The following HLCS variants were observed in gnomAD, a reference collection of about 807,000 sequenced individuals.
HLCS encodes the protein biotin--protein ligase.
HLCS carries 53 observed loss-of-function variants against 75.0 expected under a neutral mutation model. The ratio of observed to expected loss-of-function variants is 0.71; its 90% CI spans 0.57 to 0.89. The LOEUF (loss-of-function observed/expected upper bound fraction) is 0.89, where lower values mean the gene tolerates loss of function less well. Ranked by LOEUF, HLCS falls within the 40% of genes least tolerant of loss-of-function variation. The pLI, the probability that HLCS is intolerant of heterozygous loss-of-function variation, is 0.00. For missense variants in HLCS, 966 were observed against 1,074.0 expected, an observed-to-expected ratio of 0.90 and a Z score of 1.41; for synonymous variants, 431 against 428.6, an observed-to-expected ratio of 1.01 and a Z score of -0.07.
At chr21:36,981,119 T>C (rs1295421294) in intron 1 of HLCS, among the ~76,000 whole-genome samples, 2 of 152,196 alleles carry the variant, frequency 1.3e-5, no homozygotes, top group Non-Finnish European at 2.9e-5. Context: ...CTTGTAAAGG[T>C]TGTACTGCTT....
chr21:36,821,490 T>TA, intron 6 of HLCS, among the ~76,000 whole-genome samples: 1 of 152,304 alleles, frequency 6.6e-6, no homozygotes, highest in East Asian at 1.9e-4. Flanking sequence ...GTGTCACACT[T>TA]ACCAAAAAAT....
chr21:36,776,587 G>C (rs1000285607), intron 6 of HLCS, among the ~76,000 whole-genome samples: 2 of 151,940 alleles, frequency 1.3e-5, no homozygotes, highest in Non-Finnish European at 2.9e-5. Flanking sequence ...GCTAATTTTT[G>C]TATTTTTAGT....
chr21:36,787,767 CTAAGGAAAGT>C (rs1195459241), intron 6 of HLCS, among the ~76,000 whole-genome samples: 2 of 152,158 alleles, frequency 1.3e-5, no homozygotes, highest in East Asian at 3.9e-4. Context: ...TCACATGACC[CTAAGGAAAGT>C]TAAGAAAAGA....
At chr21:36,814,809 G>C (rs1406136323) in intron 6 of HLCS, among the ~76,000 whole-genome samples, 1 of 152,156 alleles carries the variant, frequency 6.6e-6, no homozygotes, top group South Asian at 2.1e-4. Context: ...TCCCTCTCCA[G>C]GCAATGCTGA....
intron 6 of HLCS, among the ~76,000 whole-genome samples, chr21:36,859,151 T>C (rs1360977743): frequency 1.3e-5 from 2 of 152,176 alleles, no homozygotes; most frequent in Non-Finnish European, 2.9e-5. Context: ...GCCTCCTGAG[T>C]AGCTGGGATT....
intron 2 of HLCS, among the ~76,000 whole-genome samples, chr21:36,961,827 G>A (rs543788478): frequency 4.6e-5 from 7 of 151,990 alleles, no homozygotes; most frequent in African/African-American, 1.4e-4. Context: ...GGTGGCACAC[G>A]CCTGTAGTCC....
At chr21:36,782,826 T>C (rs2145843586) in intron 6 of HLCS, among the ~76,000 whole-genome samples, 1 of 136,976 alleles carries the variant, frequency 7.3e-6, no homozygotes, top group Admixed American at 7.2e-5. Context: ...ACTAAAATAC[T>C]ACTAAAAATT....
rs370277326 is a variant in HLCS, at chr21:36,759,779, G to C, written c.2184C>G (p.Gly728=). ...TGAGTGTTGAGTTAACCAGAACTCC[G>C]CCGATCTTCATGAGGTCACTGTAAT... ...DIYYSDLMKI[G]GVLVNSTLMG... Residue 728 remains glycine, a synonymous_variant, in exon 9 of 11, where the codon GGC becomes GGG. Coordinates refer to ENST00000674895, the MANE Select transcript of HLCS (RefSeq NM_001352514.2). 4 of 1,613,628 alleles carry C rather than the reference G, an allele frequency of 2.5e-6. No homozygotes were observed. Among genetic ancestry groups the C allele is most frequent in the South Asian group, 1.1e-5 (1 of 91,044 alleles).
intron 4 of HLCS, among the ~76,000 whole-genome samples, chr21:36,935,732 G>A (rs147747449): frequency 6.6e-6 from 1 of 152,128 alleles, no homozygotes; most frequent in East Asian, 1.9e-4. Context: ...TAGTTTATCC[G>A]CTACCGTTTG....
chr21:36,835,172 C>T (rs754832882), intron 6 of HLCS, among the ~76,000 whole-genome samples: 1 of 152,174 alleles, frequency 6.6e-6, no homozygotes, highest in Admixed American at 6.5e-5. Flanking sequence ...GATTCCAAGA[C>T]GTCTGATTCA....
At chr21:36,957,219 C>T (rs908460937) in intron 2 of HLCS, among the ~76,000 whole-genome samples, 1 of 152,082 alleles carries the variant, frequency 6.6e-6, no homozygotes, top group African/African-American at 2.4e-5. Flanking sequence ...GTGGTGCTGT[C>T]CTCCCTATAG....
chr21:36,836,879 A>G (rs1230120381), intron 6 of HLCS, among the ~76,000 whole-genome samples: 1 of 152,098 alleles, frequency 6.6e-6, no homozygotes, highest in Non-Finnish European at 1.5e-5. Context: ...TTGAATGTCA[A>G]TAAACATATA....
chr21:36,823,465 G>A (rs1027803105), intron 6 of HLCS, among the ~76,000 whole-genome samples: 4 of 152,112 alleles, frequency 2.6e-5, no homozygotes, highest in African/African-American at 9.7e-5. Flanking sequence ...TTGCAAACTA[G>A]AAACACGAAC....
intron 6 of HLCS, among the ~76,000 whole-genome samples, chr21:36,865,208 C>T (rs976471671): frequency 6.6e-6 from 1 of 152,026 alleles, no homozygotes; most frequent in East Asian, 1.9e-4. Context: ...CAAGAGTCCA[C>T]GTGGAGGCTA....
At chr21:36,903,732 G>C (rs8132538) in intron 5 of HLCS, among the ~76,000 whole-genome samples, 71 of 152,150 alleles carry the variant, frequency 4.7e-4, no homozygotes, top group African/African-American at 1.7e-3. Context: ...TACCCACGGT[G>C]TCTCAAACAC....
chr21:36,763,177 A>G (rs1433369032), intron 8 of HLCS, among the ~76,000 whole-genome samples: 2 of 152,086 alleles, frequency 1.3e-5, no homozygotes, highest in Non-Finnish European at 2.9e-5. Flanking sequence ...GGCACCCATC[A>G]CCATGTCTGG....
intron 6 of HLCS, among the ~76,000 whole-genome samples, chr21:36,870,352 T>C (rs1173637594): frequency 1.3e-5 from 2 of 152,230 alleles, no homozygotes; most frequent in African/African-American, 2.4e-5. Context: ...GCAGGCCTGA[T>C]ACGGTCTTAA....
intron 6 of HLCS, among the ~76,000 whole-genome samples, chr21:36,892,965 T>C (rs1053619686): frequency 2.0e-5 from 3 of 152,156 alleles, no homozygotes; most frequent in Non-Finnish European, 4.4e-5. Context: ...ATCAAAGTGA[T>C]AGTCTCATCA....
In HLCS at chr21:36,937,070, G is replaced by A. The variant is rs376665169; in HGVS notation, c.816C>T (p.Ala272=). 5.6e-5 allele frequency: 90 copies of A among 1,613,962 alleles called. No homozygotes were observed. Among genetic ancestry groups the A allele is most frequent in the South Asian group, 6.6e-5 (6 of 91,066 alleles). Residue 272 remains alanine, a synonymous_variant, in exon 4 of 11, where the codon GCC becomes GCT. Transcript: ENST00000674895. ...STIESVKFAS[A]ENIPDLPYDY... The stretch of plus-strand genomic sequence containing the variant: ...CGTAGGGAAGGTCTGGAATGTTCTC[G>A]GCAGACGCAAACTTGACTGACTCAA...
Sources: gnomAD v4.1 joint callset for allele counts (sites outside exome capture counted in the v4.1 genomes callset) on GRCh38, gnomAD v4.1.1 for gene constraint, MANE v1.5 for transcripts, NCBI Gene and HGNC (gene_info 2026-07-23, HGNC 2026-07-21) for gene names.